The following PCDHGA12 variants were observed in gnomAD, a reference collection of about 807,000 sequenced individuals.
PCDHGA12 encodes protocadherin gamma-A12.
A neutral mutation model predicts 61.1 loss-of-function variants in PCDHGA12; 43 were observed. The observed-to-expected ratio is 0.70, with a 90% CI of 0.55 to 0.91. The LOEUF (loss-of-function observed/expected upper bound fraction) is 0.91, where lower values mean the gene tolerates loss of function less well. Ranked by LOEUF, PCDHGA12 falls within the 40% of genes least tolerant of loss-of-function variation. The pLI is 0.00. For missense variants in PCDHGA12, 1,236 were observed against 1,227.7 expected (o/e 1.01, Z -0.10); for synonymous variants, 520 against 542.9 (o/e 0.96, Z 0.59).
chr5:141,454,740 G>GAGGCC (rs2098797560), intron 1 of PCDHGA12, among the ~76,000 whole-genome samples: 1 of 147,160 alleles, frequency 6.8e-6, no homozygotes, highest in Non-Finnish European at 1.5e-5. Flanking sequence ...AGGATGAAAA[G>GAGGCC]AGGCCAAACT....
At position 141,431,337 on chromosome 5, in the gene PCDHGA12, A is replaced by C. The variant is rs1412811147; in HGVS notation, c.578A>C (p.Glu193Ala). Residue 193 changes from glutamate to alanine, a missense_variant, in exon 1 of 4, where the codon GAA (glutamate) becomes GCA (alanine). Physicochemically the swap from Glu to Ala is moderately radical, Grantham distance 107. Coordinates refer to ENST00000252085, the MANE Select transcript of PCDHGA12 (RefSeq NM_003735.3). The surrounding 1 kb of genome is among the most constrained non-coding windows in gnomAD (Gnocchi z 4.8). ...GGAGCCGACGGTAGTAAGTACCCCG[A>C]ATTGGTGCTGAAACGCGCCCTGGAC... ...QNGADGSKYPELVLKRALDRE... is the reference protein window; with the variant it reads ...QNGADGSKYPALVLKRALDRE... 6.2e-7 allele frequency: 1 copy of C among 1,613,926 alleles called. No homozygotes were observed. The highest frequency in any genetic ancestry group is 1.7e-5 in the Admixed American group (1 of 60,006).
intron 1 of PCDHGA12, among the ~76,000 whole-genome samples, chr5:141,482,529 GC>G (rs1229840218): frequency 3.6e-5 from 2 of 56,040 alleles, no homozygotes; most frequent in Non-Finnish European, 5.8e-5. Context: ...AGACAGACAT[GC>G]AAAAAAAAAA....
Position 141,490,486 on chromosome 5 carries a change from G to A in PCDHGA12, c.2425-4321G>A, listed in dbSNP as rs1187388706. The A allele has an allele frequency of 1.2e-6, 2 of 1,614,090 alleles. No individual in the cohort carries two copies. On this transcript the variant is annotated intron_variant, in intron 1 of 3. Transcript: ENST00000252085. The surrounding 1 kb of genome is among the most constrained non-coding windows in gnomAD (Gnocchi z 5.4). ...AACCAGCCAGCCTTTGGACCGGGAG[G>A]CCACATCCCACTATATCATCGAGCT...
chr5:141,511,288 C>G lies in PCDHGA12; in HGVS notation c.*115C>G. ...CTAACCCCCAGAATACTGGTAGGGG[C>G]CAAGGCCATGCTCCCCTTGGGAAAC... On this transcript the variant is annotated 3_prime_UTR_variant, in exon 4 of 4. Transcript: ENST00000252085. 6.6e-7 allele frequency: 1 copy of G among 1,518,266 alleles called. No homozygotes were observed. The highest frequency in any genetic ancestry group is 8.9e-7 in the Non-Finnish European group (1 of 1,129,706). The allele number at this position is 1,518,266 out of a possible 1,614,324, so 94.0% of individuals were successfully genotyped here.
chr5:141,472,769 T>C (rs2154571402), intron 1 of PCDHGA12, among the ~76,000 whole-genome samples: 1 of 151,816 alleles, frequency 6.6e-6, no homozygotes, highest in South Asian at 2.1e-4. Context: ...GCAGATCACC[T>C]GAGGTTGGGA....
rs761905572 is a variant in PCDHGA12 at position 141,486,493 on chromosome 5, T to A, written c.2425-8314T>A. The A allele has an allele frequency of 2.5e-6, 4 of 1,614,136 alleles. No homozygotes were observed. The highest frequency in any genetic ancestry group is 1.7e-4 in the Middle Eastern group (1 of 6,060). On this transcript the variant is annotated intron_variant, in intron 1 of 3. Transcript: ENST00000252085. This position sits in a 1 kb window ranked among gnomAD's most constrained non-coding sequence, Gnocchi z 5.0. ...ACCCTCCTCTCAGTACCCACAGAAC[T>A]ATTTTCCTCAATATTTCAGATGTGA... is the stretch of plus-strand genomic sequence containing the variant.
At chr5:141,448,926 C>T (rs528128105) in intron 1 of PCDHGA12, among the ~76,000 whole-genome samples, 5 of 152,256 alleles carry the variant, frequency 3.3e-5, no homozygotes, top group African/African-American at 9.6e-5. Context: ...GCCTGGGCGA[C>T]AGAGCAAGAC....
intron 1 of PCDHGA12, among the ~76,000 whole-genome samples, chr5:141,451,072 C>A (rs2098705989): frequency 6.6e-6 from 1 of 152,026 alleles, no homozygotes; most frequent in African/African-American, 2.4e-5. Context: ...TTGTGATCCA[C>A]CCACCTTGAC....
chr5:141,477,951 G>T lies in PCDHGA12; in HGVS notation c.2425-16856G>T. 3 of 1,614,120 alleles carry T rather than the reference G, an allele frequency of 1.9e-6. No homozygotes were observed. The highest frequency in any genetic ancestry group is 2.5e-6 in the Non-Finnish European group (3 of 1,180,024). Reference sequence around the variant, plus strand: ...GCCTGGCTCTCCTACAGTCTCTTGGGATCCCCTAACCAGAGCCTTTTTGCC... The same window carrying T: ...GCCTGGCTCTCCTACAGTCTCTTGGTATCCCCTAACCAGAGCCTTTTTGCC... On this transcript the variant is annotated intron_variant, in intron 1 of 3. Transcript: ENST00000252085. The surrounding 1 kb of genome is among the most constrained non-coding windows in gnomAD (Gnocchi z 4.9).
At chr5:141,441,527 A>G (rs2098252922) in intron 1 of PCDHGA12, 2 of 173,076 alleles carry the variant, frequency 1.2e-5, no homozygotes, top group African/African-American at 2.4e-5. Flanking sequence ...GTGGCCAAGA[A>G]CAATCTTCCC....
At chr5:141,440,030 G>A (rs780807702) in intron 1 of PCDHGA12, 2 of 153,028 alleles carry the variant, frequency 1.3e-5, no homozygotes, top group African/African-American at 2.4e-5. Context: ...ACTCAGTGTC[G>A]AGGACATGCC....
rs1390739125 is a variant in PCDHGA12 at position 141,490,094 on chromosome 5, C to T, written c.2425-4713C>T. ...CTAGACTATTCTTTTGGAGACCACA[C>T]ATCTGAGGCAGTGCGGAACCTCTTT... On this transcript the variant is annotated intron_variant, in intron 1 of 3. Coordinates refer to ENST00000252085, the MANE Select transcript of PCDHGA12 (RefSeq NM_003735.3). This position sits in a 1 kb window ranked among gnomAD's most constrained non-coding sequence, Gnocchi z 5.4. 1 of 1,614,250 alleles carries T rather than the reference C, an allele frequency of 6.2e-7. No individual in the cohort carries two copies. The highest frequency in any genetic ancestry group is 2.2e-5 in the East Asian group (1 of 44,888).
Position 141,485,751 on chromosome 5 carries a change from A to G in PCDHGA12, c.2425-9056A>G. ...CGCAGCGACGGCAGCCTGGTCCCAG[A>G]GCTGCTCCTGGAGAAGCCTTTGGAT... is the stretch of plus-strand genomic sequence containing the variant. On this transcript the variant is annotated intron_variant, in intron 1 of 3. Coordinates refer to ENST00000252085, the MANE Select transcript of PCDHGA12 (RefSeq NM_003735.3). This position sits in a 1 kb window ranked among gnomAD's most constrained non-coding sequence, Gnocchi z 5.7. 6.2e-7 allele frequency: 1 copy of G among 1,614,166 alleles called. No individual in the cohort carries two copies. Among genetic ancestry groups the G allele is most frequent in the Non-Finnish European group, 8.5e-7 (1 of 1,179,998 alleles).
chr5:141,463,467 G>A (rs200270457), intron 1 of PCDHGA12, among the ~76,000 whole-genome samples: 2,116 of 11,250 alleles, frequency 0.19, 39 homozygotes, highest in East Asian at 0.24. Context: ...TTTTTTTTTT[G>A]AGATGGAGTC....
chr5:141,472,928 G>A (rs926768431), intron 1 of PCDHGA12, among the ~76,000 whole-genome samples: 13 of 150,136 alleles, frequency 8.7e-5, no homozygotes, highest in Admixed American at 2.7e-4. Flanking sequence ...GGAGGTTGTG[G>A]TGAGCCAAGA....
chr5:141,488,428 C>A (rs1234461104), intron 1 of PCDHGA12, among the ~76,000 whole-genome samples: 1 of 152,186 alleles, frequency 6.6e-6, no homozygotes, highest in Non-Finnish European at 1.5e-5. Context: ...CATGCTTGGC[C>A]TCTGACCACC....
intron 1 of PCDHGA12, among the ~76,000 whole-genome samples, chr5:141,436,350 C>T (rs1034303123): frequency 5.9e-5 from 9 of 152,126 alleles, no homozygotes; most frequent in Non-Finnish European, 1.3e-4. Flanking sequence ...TCAGTGACTT[C>T]AATCAACTAT....
chr5:141,476,738 C>T lies in PCDHGA12; in HGVS notation c.2425-18069C>T. 6.2e-7 allele frequency: 1 copy of T among 1,614,076 alleles called. No individual in the cohort carries two copies. The highest frequency in any genetic ancestry group is 2.2e-5 in the East Asian group (1 of 44,880). On this transcript the variant is annotated intron_variant, in intron 1 of 3. Transcript: ENST00000252085. This position sits in a 1 kb window ranked among gnomAD's most constrained non-coding sequence, Gnocchi z 7.6. Reference sequence around the variant, plus strand: ...GCGCGCCCTGGACCGAGAACGGGAGCCTAGTCTCCAGTTAGTGCTGACGGC... The same window carrying T: ...GCGCGCCCTGGACCGAGAACGGGAGTCTAGTCTCCAGTTAGTGCTGACGGC...
At position 141,465,539 on chromosome 5, in the gene PCDHGA12, T is replaced by C. The variant is rs2099105222; in HGVS notation, c.2425-29268T>C. On this transcript the variant is annotated intron_variant, in intron 1 of 3. Transcript: ENST00000252085. ...GATTCTGGGGAAGTTTTCCCAGGCA[T>C]TTTTTCTGCTGAAGCTTTGGTAACT... Among the ~76,000 whole-genome samples the C allele has an allele frequency of 2.0e-5, 3 of 152,178 alleles. No homozygotes were observed. In the South Asian group the frequency reaches 6.2e-4, roughly 32 times the overall value.
Sources: gnomAD v4.1 joint callset for allele counts (sites outside exome capture counted in the v4.1 genomes callset) on GRCh38, gnomAD v4.1.1 for gene constraint, Gnocchi (gnomAD v3.1) non-coding constraint, MANE v1.5 for transcripts, NCBI Gene and HGNC (gene_info 2026-07-23, HGNC 2026-07-21) for gene names.